CXCR2: variants seen among roughly 807,000 people sequenced by gnomAD.
CXCR2 encodes C-X-C chemokine receptor type 2.
In CXCR2, 2 loss-of-function variants were observed where a neutral mutation model predicts 3.7. The ratio of observed to expected loss-of-function variants is 0.55; its 90% CI spans 0.22 to 1.72. The LOEUF is 1.72. Among genes scored for constraint, CXCR2 ranks in the 40% most tolerant of loss-of-function variants. The pLI is 0.19. For missense variants in CXCR2, 351 were observed against 450.1 expected, an observed-to-expected ratio of 0.78 and a Z score of 1.99; for synonymous variants, 203 against 193.3, an observed-to-expected ratio of 1.05 and a Z score of -0.41.
chr2:218,135,396 G>A lies in CXCR2; in HGVS notation c.595G>A (p.Asp199Asn), dbSNP rs201694058. The A allele has an allele frequency of 3.1e-6, 5 of 1,614,190 alleles. No individual in the cohort carries two copies. Among genetic ancestry groups the A allele is most frequent in the African/African-American group, 2.7e-5 (2 of 75,048 alleles). Residue 199 changes from aspartate to asparagine, a missense_variant, in exon 3 of 3, where the codon GAC becomes AAC. Transcript: ENST00000318507. The surrounding 1 kb of genome is among the most constrained non-coding windows in gnomAD (Gnocchi z 4.0). ...CAATGTTAGCCCAGCCTGCTATGAG[G>A]ACATGGGCAACAATACAGCAAACTG... ...SSNVSPACYE[D>N]MGNNTANWRM...
At chr2:218,126,974 C>A (rs570406094) in intron 1 of CXCR2, among the ~76,000 whole-genome samples, 1 of 150,944 alleles carries the variant, frequency 6.6e-6, no homozygotes, top group Admixed American at 6.6e-5. Context: ...CCTTGCCTGG[C>A]CTTTATTTTA....
Position 218,127,448 on chromosome 2 carries a change from C to T in CXCR2, c.-78+1095C>T, listed in dbSNP as rs999328085. On this transcript the variant is annotated intron_variant, in intron 1 of 2. Coordinates refer to ENST00000318507, the MANE Select transcript of CXCR2 (RefSeq NM_001557.4). ...GAAGCCAGTTTTTTAATTCACTCCA[C>T]CCTGCATATAACCGCAGTGATCTCC... 3.4e-4 allele frequency among the ~76,000 whole-genome samples: 52 copies of T among 152,150 alleles called. 1 individual carries two copies. Among genetic ancestry groups the T allele is most frequent in the Non-Finnish European group, 1.3e-4 (9 of 68,024 alleles).
In CXCR2 at chr2:218,135,312, G is replaced by T. The variant is rs1690759172; in HGVS notation, c.511G>T (p.Gly171Cys). The T allele has an allele frequency of 6.2e-7, 1 of 1,614,008 alleles. No homozygotes were observed. Among genetic ancestry groups the T allele is most frequent in the African/African-American group, 1.3e-5 (1 of 74,886 alleles). ...CAAATTCATATGTCTCAGCATCTGGGGTCTGTCCTTGCTCCTGGCCCTGCC... is the reference window on the plus strand; with the variant it reads ...CAAATTCATATGTCTCAGCATCTGGTGTCTGTCCTTGCTCCTGGCCCTGCC... ...LVKFICLSIW[G>C]LSLLLALPVL... Residue 171 changes from glycine (G) to cysteine (C), a missense_variant, in exon 3 of 3, where the codon GGT becomes TGT. Coordinates refer to ENST00000318507, the MANE Select transcript of CXCR2 (RefSeq NM_001557.4). This position sits in a 1 kb window ranked among gnomAD's most constrained non-coding sequence, Gnocchi z 4.0.
chr2:218,128,451 G>A (rs1476298411), intron 1 of CXCR2, among the ~76,000 whole-genome samples: 2 of 152,180 alleles, frequency 1.3e-5, no homozygotes, highest in African/African-American at 4.8e-5. Context: ...AGGGGATTGA[G>A]GTGTTGTTCA....
At position 218,136,284 on chromosome 2, in the gene CXCR2, A is replaced by G. The variant is rs201616246; in HGVS notation, c.*400A>G. ...ACTAAAAATACAAAAAAAAAAAAAAATTAGCCGGGCGTGGTGGTGAGTGCC... is the reference window on the plus strand; with the variant it reads ...ACTAAAAATACAAAAAAAAAAAAAAGTTAGCCGGGCGTGGTGGTGAGTGCC... On this transcript the variant is annotated 3_prime_UTR_variant, in exon 3 of 3. Transcript: ENST00000318507. 1 of 174,422 alleles carries G rather than the reference A, an allele frequency of 5.7e-6. No homozygotes were observed. Among genetic ancestry groups the G allele is most frequent in the Non-Finnish European group, 1.4e-5 (1 of 73,246 alleles). 10.8% of individuals were successfully genotyped at this position (174,422 alleles called of 1,614,324 possible).
At chr2:218,133,317 T>G (rs1356759519) in intron 2 of CXCR2, among the ~76,000 whole-genome samples, 1 of 81,448 alleles carries the variant, frequency 1.2e-5, no homozygotes, top group African/African-American at 6.5e-5. Context: ...TTTTTTTTTT[T>G]GAGGCAGAGT....
chr2:218,136,003 A>G lies in CXCR2; in HGVS notation c.*119A>G. 2 of 1,370,424 alleles carry G rather than the reference A, an allele frequency of 1.5e-6. No homozygotes were observed. The highest frequency in any genetic ancestry group is 4.6e-5 in the East Asian group (2 of 43,300). 84.9% of individuals were successfully genotyped at this position (1,370,424 alleles called of 1,614,324 possible). ...TGTCAATGCAGCCCCCATTGTGGTC[A>G]CAGGAAGTAGAGGAGGCCACGTTCT... On this transcript the variant is annotated 3_prime_UTR_variant, in exon 3 of 3. Coordinates refer to ENST00000318507, the MANE Select transcript of CXCR2 (RefSeq NM_001557.4).
At chr2:218,134,005 G>T (rs541736552) in intron 2 of CXCR2, among the ~76,000 whole-genome samples, 1 of 152,314 alleles carries the variant, frequency 6.6e-6, no homozygotes, top group African/African-American at 2.4e-5. Context: ...CCCAAAGCGG[G>T]TCTCCTTCTA....
In CXCR2 at chr2:218,134,781, G is replaced by A; in HGVS notation, c.-21G>A. 1 of 1,607,580 alleles carries A rather than the reference G, an allele frequency of 6.2e-7. No individual in the cohort carries two copies. The highest frequency in any genetic ancestry group is 1.3e-5 in the African/African-American group (1 of 74,732). On this transcript the variant is annotated 5_prime_UTR_variant, in exon 3 of 3. Transcript: ENST00000318507. ...ACCTTCATCTCTCTTCTATAGGTCA[G>A]GATTTAAGTTTACCTCAAAAATGGA...
chr2:218,130,241 T>C (rs866571295), intron 2 of CXCR2, among the ~76,000 whole-genome samples: 1 of 151,968 alleles, frequency 6.6e-6, no homozygotes, highest in South Asian at 2.1e-4. Flanking sequence ...ACCAACATAG[T>C]GAAACCCCGT....
chr2:218,131,153 G>A (rs1690635920), intron 2 of CXCR2, among the ~76,000 whole-genome samples: 1 of 152,190 alleles, frequency 6.6e-6, no homozygotes, highest in African/African-American at 2.4e-5. Flanking sequence ...CACCCAATAT[G>A]CCCTACATCT....
intron 2 of CXCR2, among the ~76,000 whole-genome samples, chr2:218,131,926 G>C (rs1690657474): frequency 6.6e-6 from 1 of 151,846 alleles, no homozygotes; most frequent in South Asian, 2.1e-4. Flanking sequence ...CATCACTCTT[G>C]GGGGAAAAGT....
chr2:218,130,197 G>A (rs897072314), intron 2 of CXCR2, among the ~76,000 whole-genome samples: 1 of 152,152 alleles, frequency 6.6e-6, no homozygotes, highest in African/African-American at 2.4e-5. Flanking sequence ...AAGGTGGGCG[G>A]ATCACCTGAG....
intron 1 of CXCR2, among the ~76,000 whole-genome samples, chr2:218,128,877 G>A (rs1192461725): frequency 2.0e-5 from 3 of 152,190 alleles, no homozygotes; most frequent in Non-Finnish European, 4.4e-5. Flanking sequence ...GTCCATCTCT[G>A]TCATTTTAAT....
chr2:218,135,608 G>A lies in CXCR2; in HGVS notation c.807G>A (p.Leu269=). 6.2e-7 allele frequency: 1 copy of A among 1,614,012 alleles called. No individual in the cohort carries two copies. ...IFLLCWLPYN[L]VLLADTLMRT... The stretch of plus-strand genomic sequence containing the variant: ...TGCTCTGCTGGCTGCCCTACAACCT[G>A]GTCCTGCTGGCAGACACCCTCATGA... The change falls in exon 3 of 3, where the codon CTG becomes CTA. Residue 269 remains leucine, a synonymous_variant. Transcript: ENST00000318507. This position sits in a 1 kb window ranked among gnomAD's most constrained non-coding sequence, Gnocchi z 4.0.
chr2:218,133,659 C>G (rs547958939), intron 2 of CXCR2, among the ~76,000 whole-genome samples: 1 of 152,316 alleles, frequency 6.6e-6, no homozygotes, highest in East Asian at 1.9e-4. Flanking sequence ...AGGATCTGTG[C>G]TGTCCCTGTG....
At chr2:218,126,561 T>A (rs1388877226) in intron 1 of CXCR2, among the ~76,000 whole-genome samples, 1 of 152,254 alleles carries the variant, frequency 6.6e-6, no homozygotes, top group Non-Finnish European at 1.5e-5. Context: ...CTGCCCAGTA[T>A]GGTAGCCACT....
In CXCR2 at chr2:218,136,377, T is replaced by C. The variant is rs748713250; in HGVS notation, c.*493T>C. 2 of 171,212 alleles carry C rather than the reference T, an allele frequency of 1.2e-5. No individual in the cohort carries two copies. Among genetic ancestry groups the C allele is most frequent in the Non-Finnish European group, 2.8e-5 (2 of 70,816 alleles). The allele number at this position is 171,212 out of a possible 1,614,324, so 10.6% of individuals were successfully genotyped here. On this transcript the variant is annotated 3_prime_UTR_variant, in exon 3 of 3. Transcript: ENST00000318507. ...TGAACCCGGGAGGCAGAGGTTGCAG[T>C]GAGCCGAGATTGTGCCCCTGCACTC...
chr2:218,132,656 T>C (rs894620985), intron 2 of CXCR2, among the ~76,000 whole-genome samples: 1 of 152,208 alleles, frequency 6.6e-6, no homozygotes, highest in Non-Finnish European at 1.5e-5. Flanking sequence ...AACACAATGG[T>C]ATTCTTATAT....
Sources: allele counts gnomAD v4.1 joint callset (sites outside exome capture counted in the v4.1 genomes callset), GRCh38; gene constraint gnomAD v4.1.1; non-coding constraint Gnocchi (gnomAD v3.1); transcripts MANE v1.5; gene names NCBI Gene and HGNC (gene_info 2026-07-23, HGNC 2026-07-21).